NXPH1: variants seen among roughly 807,000 people sequenced by gnomAD.
The protein encoded by NXPH1 is neurexophilin-1.
In NXPH1, 5 loss-of-function variants were observed where a neutral mutation model predicts 23.7. That is an observed-to-expected ratio of 0.21 (90% CI 0.11 to 0.44). NXPH1 has a LOEUF of 0.44. NXPH1 is among the 20% of genes least tolerant of loss of function. NXPH1 has a pLI of 0.99. For missense variants in NXPH1, 324 were observed against 321.6 expected (o/e 1.01, Z -0.06); for synonymous variants, 144 against 122.2 (o/e 1.18, Z -1.18).
intron 2 of NXPH1, among the ~76,000 whole-genome samples, chr7:8,477,938 G>A (rs557612839): frequency 5.4e-4 from 82 of 152,092 alleles, no homozygotes; most frequent in African/African-American, 1.9e-3. Context: ...GATTTAAAAG[G>A]CCTGAATCAT....
At chr7:8,621,274 T>G (rs1344091069) in intron 2 of NXPH1, among the ~76,000 whole-genome samples, 1 of 152,024 alleles carries the variant, frequency 6.6e-6, no homozygotes, top group Non-Finnish European at 1.5e-5. Context: ...CAGGAAGAAG[T>G]CTGTCCAGGA....
chr7:8,720,129 G>A (rs202191123), intron 2 of NXPH1, among the ~76,000 whole-genome samples: 1 of 34,688 alleles, frequency 2.9e-5, no homozygotes, highest in Admixed American at 3.1e-4. Flanking sequence ...TTCAAGGATT[G>A]GGGAATGCCT....
At chr7:8,715,461 G>A (rs1779862182) in intron 2 of NXPH1, among the ~76,000 whole-genome samples, 2 of 151,934 alleles carry the variant, frequency 1.3e-5, no homozygotes, top group Non-Finnish European at 2.9e-5. Flanking sequence ...GTTCCTGCAG[G>A]GAGGACAATT....
intron 2 of NXPH1, among the ~76,000 whole-genome samples, chr7:8,738,015 A>T (rs6978239): frequency 0.58 from 88,120 of 151,906 alleles, 26,176 homozygotes; most frequent in African/African-American, 0.71. Context: ...AAATTGGTTA[A>T]TCTAGTTAGC....
intron 2 of NXPH1, among the ~76,000 whole-genome samples, chr7:8,675,123 T>C (rs1351116278): frequency 6.6e-6 from 1 of 152,104 alleles, no homozygotes; most frequent in Non-Finnish European, 1.5e-5. Flanking sequence ...AACTCTGGAA[T>C]CAGAGAGACC....
rs201311058 is a variant in NXPH1 at position 8,729,137 on chromosome 7, A to G, written c.55-21871A>G. Among the ~76,000 whole-genome samples the G allele has an allele frequency of 1.4e-3, 210 of 151,966 alleles. 1 individual carries two copies. Among genetic ancestry groups the G allele is most frequent in the African/African-American group, 4.8e-3 (197 of 41,402 alleles). On this transcript the variant is annotated intron_variant, in intron 2 of 2. Coordinates refer to ENST00000405863, the MANE Select transcript of NXPH1 (RefSeq NM_152745.3). ...CTAGTTTATTTGCATAGAGGTGTTT[A>G]TAGTATTCTCTGATGGTAGTTTGTA...
intron 2 of NXPH1, among the ~76,000 whole-genome samples, chr7:8,590,989 T>C (rs1446239757): frequency 2.6e-5 from 4 of 152,094 alleles, no homozygotes; most frequent in African/African-American, 7.2e-5. Context: ...CACAATAGCA[T>C]GCCAGAAGCT....
chr7:8,550,076 A>C (rs1276862382), intron 2 of NXPH1, among the ~76,000 whole-genome samples: 1 of 151,624 alleles, frequency 6.6e-6, no homozygotes. Context: ...AAATAGGAGA[A>C]ACCACCAATA....
chr7:8,500,365 A>G (rs1258848386), intron 2 of NXPH1, among the ~76,000 whole-genome samples: 1 of 152,074 alleles, frequency 6.6e-6, no homozygotes, highest in Non-Finnish European at 1.5e-5. Context: ...AAAAGGCAGG[A>G]TATCAGGATG....
chr7:8,587,106 G>T (rs1180452961), intron 2 of NXPH1, among the ~76,000 whole-genome samples: 4 of 152,016 alleles, frequency 2.6e-5, no homozygotes, highest in Non-Finnish European at 5.9e-5. Context: ...ACATGTCAGA[G>T]AATTCAAAAT....
intron 2 of NXPH1, among the ~76,000 whole-genome samples, chr7:8,504,721 A>T (rs1318920425): frequency 1.3e-5 from 2 of 152,000 alleles, no homozygotes; most frequent in East Asian, 3.9e-4. Context: ...GGGGTAATTG[A>T]TTCATGAGGA....
At chr7:8,582,504 G>A (rs183067964) in intron 2 of NXPH1, among the ~76,000 whole-genome samples, 3 of 152,266 alleles carry the variant, frequency 2.0e-5, no homozygotes, top group East Asian at 1.9e-4. Flanking sequence ...TTGTCCCGAC[G>A]AGTGTCCAGC....
chr7:8,474,809 T>C (rs897710423), intron 2 of NXPH1, among the ~76,000 whole-genome samples: 4 of 152,238 alleles, frequency 2.6e-5, no homozygotes, highest in African/African-American at 9.6e-5. Context: ...TCTCCATCTC[T>C]AGTACATTAT....
chr7:8,655,196 G>A (rs1221750669), intron 2 of NXPH1, among the ~76,000 whole-genome samples: 1 of 151,966 alleles, frequency 6.6e-6, no homozygotes, highest in Non-Finnish European at 1.5e-5. Context: ...ACCAGCCTGG[G>A]CAAAATTACA....
At chr7:8,717,898 A>ATATATATG (rs1779903535) in intron 2 of NXPH1, among the ~76,000 whole-genome samples, 2 of 150,490 alleles carry the variant, frequency 1.3e-5, no homozygotes, top group Non-Finnish European at 3.0e-5. Context: ...CTGTGTGTAT[A>ATATATATG]TATATATATA....
chr7:8,660,148 T>G (rs1268875357), intron 2 of NXPH1, among the ~76,000 whole-genome samples: 1 of 152,248 alleles, frequency 6.6e-6, no homozygotes, highest in Non-Finnish European at 1.5e-5. Flanking sequence ...GTGTCAGCAC[T>G]GTGAAAATAT....
At chr7:8,463,692 C>G (rs959023587) in intron 2 of NXPH1, among the ~76,000 whole-genome samples, 7 of 152,062 alleles carry the variant, frequency 4.6e-5, no homozygotes, top group African/African-American at 1.4e-4. Flanking sequence ...AGGTTGAGTA[C>G]CTTTTACGTG....
At chr7:8,707,468 C>T (rs988324038) in intron 2 of NXPH1, among the ~76,000 whole-genome samples, 14 of 152,110 alleles carry the variant, frequency 9.2e-5, no homozygotes, top group Admixed American at 5.2e-4. Context: ...TGCATCCTGT[C>T]CTTCTGCTTC....
intron 2 of NXPH1, among the ~76,000 whole-genome samples, chr7:8,651,362 A>C (rs1183451652): frequency 1.3e-3 from 123 of 96,958 alleles, no homozygotes; most frequent in African/African-American, 3.9e-3. Context: ...TTCTTAATCC[A>C]GTCTATCATT....
Sources: gnomAD v4.1 joint callset for allele counts (sites outside exome capture counted in the v4.1 genomes callset) on GRCh38, gnomAD v4.1.1 for gene constraint, MANE v1.5 for transcripts, NCBI Gene and HGNC (gene_info 2026-07-23, HGNC 2026-07-21) for gene names.